The following ZNF677 variants were observed in gnomAD, a reference collection of about 807,000 sequenced individuals.
ZNF677 encodes the protein zinc finger protein 677.
Under a neutral mutation model 8.1 loss-of-function variants are expected in ZNF677, and 5 were observed. The observed-to-expected ratio is 0.62, with a 90% CI of 0.32 to 1.29. ZNF677 has a LOEUF of 1.29. Ranked by LOEUF, ZNF677 falls within the 50% of genes most tolerant of loss-of-function variation. ZNF677 has a pLI of 0.05. For missense variants in ZNF677, 685 were observed against 685.9 expected (o/e 1.00, Z 0.01); for synonymous variants, 221 against 225.6 (o/e 0.98, Z 0.18).
chr19:53,242,121 G>A lies in ZNF677; in HGVS notation c.169+1623C>T, dbSNP rs1361972345. 1.0e-5 allele frequency: 4 copies of A among 394,724 alleles called. No individual in the cohort carries two copies. In the East Asian group the frequency reaches 1.1e-4, roughly 11 times the overall value. 24.5% of individuals were successfully genotyped at this position (394,724 alleles called of 1,614,324 possible). A position where few individuals can be genotyped will look rare whatever the true frequency, so the allele number is the denominator to read the frequency against. On this transcript the variant is annotated intron_variant, in intron 4 of 4. Coordinates refer to ENST00000598513, the MANE Select transcript of ZNF677 (RefSeq NM_182609.4). ...TAATTTTTGTATTTTTAGTAGAGAC[G>A]GGGTTTTTCCATGTTAGTCAGGCTG...
At chr19:53,243,358 C>T (rs2091085244) in intron 4 of ZNF677, 2 of 282,980 alleles carry the variant, frequency 7.1e-6, no homozygotes, top group Middle Eastern at 1.1e-3. Context: ...GTCTGCAAAA[C>T]TATTTCCCAA....
In ZNF677 at chr19:53,237,951, C is replaced by G; in HGVS notation, c.776G>C (p.Arg259Thr). 8.7e-6 allele frequency: 14 copies of G among 1,612,218 alleles called. No homozygotes were observed. Among genetic ancestry groups the G allele is most frequent in the Non-Finnish European group, 1.2e-5 (14 of 1,179,934 alleles). ...GTCATTACACTTGTATGATTTTTCT[C>G]TAATGTGTGTTCTCCCATACTGTGT... The part of the protein sequence containing the change: ...LHTQYGRTHI[R>T]EKSYKCNDCG... The change falls in exon 5 of 5, where the codon AGA becomes ACA. Residue 259 changes from arginine (R) to threonine (T), a missense_variant. Physicochemically the swap from Arg to Thr is moderately conservative, Grantham distance 71 (BLOSUM62 -1). Transcript: ENST00000598513.
Position 53,243,805 on chromosome 19 carries a change from C to G in ZNF677, c.108G>C (p.Val36=), listed in dbSNP as rs1298446648. 1 of 1,614,086 alleles carries G rather than the reference C, an allele frequency of 6.2e-7. No homozygotes were observed. Among genetic ancestry groups the G allele is most frequent in the African/African-American group, 1.3e-5 (1 of 74,930 alleles). ...DPAQRALYRD[V]MLENYRNLLS... ...GCAGGTTCCTGTAGTTCTCCAACAT[C>G]ACGTCCCTGTACAAGGCCCTCTGGG... is the stretch of plus-strand genomic sequence containing the variant. Residue 36 remains valine, a synonymous_variant, in exon 4 of 5, where the codon GTG becomes GTC. Coordinates refer to ENST00000598513, the MANE Select transcript of ZNF677 (RefSeq NM_182609.4).
chr19:53,239,539 A>G (rs893847141), intron 4 of ZNF677: 1 of 152,192 alleles, frequency 6.6e-6, no homozygotes, highest in African/African-American at 2.4e-5. Context: ...TGGCCAAAAA[A>G]TACATATAAT....
chr19:53,243,902 A>G lies in ZNF677; in HGVS notation c.16-5T>C. 1.3e-6 allele frequency: 2 copies of G among 1,574,154 alleles called. No individual in the cohort carries two copies. The highest frequency in any genetic ancestry group is 4.5e-5 in the East Asian group (2 of 44,104). ...ATCCTTGAATGTAAACAGTCCCTGA[A>G]ATAAAAACACACTTCACCAAGTGGA... On this transcript the variant is annotated splice_region_variant and splice_polypyrimidine_tract_variant and intron_variant, in intron 3 of 4. Coordinates refer to ENST00000598513, the MANE Select transcript of ZNF677 (RefSeq NM_182609.4).
In ZNF677 at chr19:53,246,317, C is replaced by CAAAAAAAAAAA. The variant is rs59756987; in HGVS notation, c.16-2421_16-2420insTTTTTTTTTTT. On this transcript the variant is annotated intron_variant, in intron 3 of 4. Coordinates refer to ENST00000598513, the MANE Select transcript of ZNF677 (RefSeq NM_182609.4). ...TGGGTGACAGAGCGAGACTCCGTCC[C>CAAAAAAAAAAA]AAAAAAAAAGCGACCATGATCTAGT... Among the ~76,000 whole-genome samples the CAAAAAAAAAAA allele has an allele frequency of 2.0e-4, 24 of 122,062 alleles. 1 individual carries two copies. The highest frequency in any genetic ancestry group is 2.4e-4 in the East Asian group (1 of 4,244). The allele number at this position is 122,062 out of a possible 152,430, so 80.1% of individuals were successfully genotyped here. A position where few individuals can be genotyped will look rare whatever the true frequency, so the allele number is the denominator to read the frequency against.
chr19:53,247,755 T>G (rs1459110501), intron 3 of ZNF677, among the ~76,000 whole-genome samples: 1 of 152,226 alleles, frequency 6.6e-6, no homozygotes, highest in East Asian at 1.9e-4. Context: ...ATTTTTGACT[T>G]AAAGTTTATT....
intron 1 of ZNF677, chr19:53,254,575 T>C (rs1002587108): frequency 6.6e-6 from 1 of 151,830 alleles, no homozygotes; most frequent in African/African-American, 2.4e-5. Flanking sequence ...AACGACGCGG[T>C]GGGCGGTCGG....
intron 4 of ZNF677, chr19:53,242,295 C>T (rs1301143888): frequency 5.0e-6 from 2 of 398,434 alleles, no homozygotes; most frequent in Non-Finnish European, 8.8e-6. Flanking sequence ...ATCAGGAAGA[C>T]TAAGGTCTCC....
chr19:53,250,051 T>C (rs1318706096), intron 3 of ZNF677, among the ~76,000 whole-genome samples: 1 of 152,044 alleles, frequency 6.6e-6, no homozygotes, highest in East Asian at 1.9e-4. Flanking sequence ...TTTGTATTTT[T>C]AGTAGAGACG....
intron 2 of ZNF677, among the ~76,000 whole-genome samples, chr19:53,252,746 G>A (rs2091254627): frequency 6.6e-6 from 1 of 152,144 alleles, no homozygotes; most frequent in Admixed American, 6.5e-5. Flanking sequence ...TGCAGAGAAA[G>A]GACAAAGGGG....
chr19:53,238,296 G>A lies in ZNF677; in HGVS notation c.431C>T (p.Ser144Phe). The change falls in exon 5 of 5, where the codon TCT (serine) becomes TTT (phenylalanine). Residue 144 changes from serine (S) to phenylalanine (F), a missense_variant. By Grantham distance (155) the Ser-to-Phe change is radical. Transcript: ENST00000598513. ...QQHNKSSIHFSLKQSVSIRDS... is the reference protein window; with the variant it reads ...QQHNKSSIHFFLKQSVSIRDS... ...TCTTATAGAAACACTCTGCTTTAAA[G>A]AGAAATGTATTGAGGATTTATTATG... 1 of 1,613,862 alleles carries A rather than the reference G, an allele frequency of 6.2e-7. No individual in the cohort carries two copies. Among genetic ancestry groups the A allele is most frequent in the South Asian group, 1.1e-5 (1 of 91,028 alleles).
Position 53,237,518 on chromosome 19 carries a change from G to T in ZNF677, c.1209C>A (p.Tyr403Ter). The T allele has an allele frequency of 6.2e-7, 1 of 1,613,890 alleles. No individual in the cohort carries two copies. The highest frequency in any genetic ancestry group is 8.5e-7 in the Non-Finnish European group (1 of 1,179,956). The change falls in exon 5 of 5, where the codon TAC (tyrosine) becomes TAA (stop). Residue 403 changes from tyrosine to a stop codon, truncating the protein, a stop_gained. Coordinates refer to ENST00000598513, the MANE Select transcript of ZNF677 (RefSeq NM_182609.4). LOFTEE classifies it low-confidence loss of function (END_TRUNC). ...HKRIHTGEKP[Y>*]ICNECGKAFK... The stretch of plus-strand genomic sequence containing the variant: ...AAGCTTTGCCACACTCATTACATAT[G>T]TAAGGCTTCTCTCCAGTATGGATTC...
chr19:53,247,151 T>C (rs1171668143), intron 3 of ZNF677, among the ~76,000 whole-genome samples: 1 of 152,226 alleles, frequency 6.6e-6, no homozygotes, highest in East Asian at 1.9e-4. Context: ...CTTTTTAAAA[T>C]GTATTGAGAC....
Position 53,241,896 on chromosome 19 carries a change from G to A in ZNF677, c.169+1848C>T, listed in dbSNP as rs942891143. The A allele has an allele frequency of 2.3e-5, 9 of 398,314 alleles. No homozygotes were observed. In the South Asian group the frequency reaches 5.1e-4, roughly 23 times the overall value. 24.7% of individuals were successfully genotyped at this position (398,314 alleles called of 1,614,324 possible). On this transcript the variant is annotated intron_variant, in intron 4 of 4. Transcript: ENST00000598513. ...GGTGGGTTATCACAGCAGAAAGAGA[G>A]GAAATTTCAGACTCTAGGAATGTGT...
At chr19:53,251,224 C>G (rs982138195) in intron 3 of ZNF677, among the ~76,000 whole-genome samples, 1 of 152,162 alleles carries the variant, frequency 6.6e-6, no homozygotes, top group Non-Finnish European at 1.5e-5. Flanking sequence ...GAAAGGGTAT[C>G]CAAATGAAGT....
intron 1 of ZNF677, among the ~76,000 whole-genome samples, chr19:53,253,540 C>T (rs2091267155): frequency 6.6e-6 from 1 of 152,062 alleles, no homozygotes; most frequent in Non-Finnish European, 1.5e-5. Flanking sequence ...AATACAAATT[C>T]ACCGGGCATG....
rs1382854551 is a variant in ZNF677, at chr19:53,242,666, A to G, written c.169+1078T>C. The G allele has an allele frequency of 8.2e-6, 3 of 364,294 alleles. No homozygotes were observed. In the Admixed American group the frequency reaches 1.4e-4, roughly 17 times the overall value. The allele number at this position is 364,294 out of a possible 1,614,324, so 22.6% of individuals were successfully genotyped here. Reference sequence around the variant, plus strand: ...ACCCCAGATACATTTTGGGGGAGCCACTGTTTTCCCATTTTCCTGAAAAGT... The same window carrying G: ...ACCCCAGATACATTTTGGGGGAGCCGCTGTTTTCCCATTTTCCTGAAAAGT... On this transcript the variant is annotated intron_variant, in intron 4 of 4. Coordinates refer to ENST00000598513, the MANE Select transcript of ZNF677 (RefSeq NM_182609.4).
rs970764017 is a variant in ZNF677 at position 53,238,660 on chromosome 19, CAG to C, written c.170-105_170-104del. On this transcript the variant is annotated intron_variant, in intron 4 of 4. Transcript: ENST00000598513. ...CAAGAAAGCTAAGATTTACAATGAA[CAG>C]AGTTATGAAGCTTCTCAACTGTCTT... 19 of 1,140,694 alleles carry C rather than the reference CAG, an allele frequency of 1.7e-5. No homozygotes were observed. The Admixed American group carries it at 2.4e-4, about 14-fold the overall frequency. The allele number at this position is 1,140,694 out of a possible 1,614,324, so 70.7% of individuals were successfully genotyped here.
Sources: allele counts gnomAD v4.1 joint callset (sites outside exome capture counted in the v4.1 genomes callset), GRCh38; gene constraint gnomAD v4.1.1; transcripts MANE v1.5; gene names NCBI Gene and HGNC (gene_info 2026-07-23, HGNC 2026-07-21).